Variants in ABCA9 observed in about 807,000 individuals in gnomAD.
ABCA9 encodes ATP binding cassette subfamily A member 9.
A neutral mutation model predicts 205.3 loss-of-function variants in ABCA9; 183 were observed. The ratio of observed to expected loss-of-function variants is 0.89; its 90% CI spans 0.79 to 1.01. The LOEUF is 1.01. Among genes scored for constraint, ABCA9 ranks in the 50% least tolerant of loss-of-function variants. The pLI, the probability that ABCA9 is intolerant of heterozygous loss-of-function variation, is 0.00. For missense variants in ABCA9, 1,805 were observed against 1,912.4 expected, an observed-to-expected ratio of 0.94 and a Z score of 1.05; for synonymous variants, 651 against 683.3, an observed-to-expected ratio of 0.95 and a Z score of 0.74.
chr17:69,041,879 A>G (rs2041320), intron 6 of ABCA9, among the ~76,000 whole-genome samples: 147,200 of 152,254 alleles, frequency 0.97, 71,177 homozygotes, highest in East Asian at 1. Context: ...TCCACCCGGT[A>G]TATTGAACAC....
rs1428325632 is a variant in ABCA9 at position 69,016,362 on chromosome 17, G to A, written c.2930C>T (p.Thr977Ile). 3 of 1,599,586 alleles carry A rather than the reference G, an allele frequency of 1.9e-6. No individual in the cohort carries two copies. Among genetic ancestry groups the A allele is most frequent in the Non-Finnish European group, 2.6e-6 (3 of 1,175,240 alleles). The change falls in exon 22 of 39, where the codon ACA becomes ATA. Residue 977 changes from threonine (T) to isoleucine (I), a missense_variant. Physicochemically the swap from Thr to Ile is moderately conservative, Grantham distance 89 (BLOSUM62 -1). Coordinates refer to ENST00000340001, the MANE Select transcript of ABCA9 (RefSeq NM_080283.4). ...GACAGGAAAGCAATTCAGCCGTTTT[G>A]TATTACATGCTATTGAAAATCTGTG... is the stretch of plus-strand genomic sequence containing the variant. ...KDHRFSIACN[T>I]KRLNCFPVLL...
chr17:69,064,183 C>T (rs1183018466), upstream of ABCA9, among the ~76,000 whole-genome samples: 2 of 152,144 alleles, frequency 1.3e-5, no homozygotes, highest in Admixed American at 6.5e-5. Flanking sequence ...CTTTAAATTA[C>T]GCTTTCCTGT....
intron 26 of ABCA9, among the ~76,000 whole-genome samples, chr17:68,993,810 A>C (rs1396013809): frequency 2.0e-5 from 3 of 152,140 alleles, no homozygotes; most frequent in Non-Finnish European, 2.9e-5. Flanking sequence ...CCAGTTGCCC[A>C]CTTTCAATAA....
In ABCA9 at chr17:69,035,716, C is replaced by A; in HGVS notation, c.886G>T (p.Val296Phe). Residue 296 changes from valine (V) to phenylalanine (F), a missense_variant, in exon 7 of 39, where the codon GTC becomes TTC. Physicochemically the swap from Val to Phe is conservative, Grantham distance 50. Coordinates refer to ENST00000340001, the MANE Select transcript of ABCA9 (RefSeq NM_080283.4). ...AAGACCATCACAAAACCAGTCAGGA[C>A]GACAATTTGTGCAGATTTTACAATA... ...ALIVKSAQIV[V>F]LTGFVMVFTL... is the part of the protein sequence containing the mutation. 3 of 1,613,498 alleles carry A rather than the reference C, an allele frequency of 1.9e-6. No individual in the cohort carries two copies. The highest frequency in any genetic ancestry group is 2.5e-6 in the Non-Finnish European group (3 of 1,179,752).
At chr17:68,990,757 T>C (rs2069422950) in intron 29 of ABCA9, 80 bp downstream of exon 29, 8 of 1,563,148 alleles carry the variant, frequency 5.1e-6, no homozygotes, top group Non-Finnish European at 6.9e-6. Flanking sequence ...CAAGTGTTTT[T>C]CGAAAACTAA....
At chr17:69,017,552 T>C (rs181272866) in intron 21 of ABCA9, 104 bp downstream of exon 21, 2 of 1,289,398 alleles carry the variant, frequency 1.6e-6, no homozygotes, top group East Asian at 4.7e-5. Flanking sequence ...AACTATCCCA[T>C]TTGTTTGTGT....
At position 68,989,918 on chromosome 17, in the gene ABCA9, T is replaced by A; in HGVS notation, c.3850A>T (p.Ile1284Phe). ...VRDFDETPVI[I>F]ASCLRKEYAG... ...TATTCCTTCCGTAGACAGCTGGCAATGATGACGGGTGTCTGTAAAGACAAG... is the reference window on the plus strand; with the variant it reads ...TATTCCTTCCGTAGACAGCTGGCAAAGATGACGGGTGTCTGTAAAGACAAG... The change falls in exon 30 of 39, where the codon ATT becomes TTT. Residue 1284 changes from isoleucine (I) to phenylalanine (F), a missense_variant. Physicochemically the swap from Ile to Phe is conservative, Grantham distance 21. Transcript: ENST00000340001. 1 of 1,608,750 alleles carries A rather than the reference T, an allele frequency of 6.2e-7. No homozygotes were observed.
chr17:69,019,258 A>G (rs1257301471), intron 19 of ABCA9, among the ~76,000 whole-genome samples: 2 of 152,100 alleles, frequency 1.3e-5, no homozygotes, highest in African/African-American at 4.8e-5. Flanking sequence ...GCTTCTTAAC[A>G]TTTTGTTGAC....
At chr17:69,043,069 G>A (rs2071595945) in intron 6 of ABCA9, 2 of 176,398 alleles carry the variant, frequency 1.1e-5, no homozygotes, top group Non-Finnish European at 2.3e-5. Context: ...CCATCTGGGG[G>A]TGATGGGAGA....
At chr17:69,038,946 G>A (rs1165465079) in intron 6 of ABCA9, among the ~76,000 whole-genome samples, 1 of 152,070 alleles carries the variant, frequency 6.6e-6, no homozygotes, top group African/African-American at 2.4e-5. Flanking sequence ...CAAATCATTA[G>A]TGAACTCCCA....
chr17:69,018,622 C>G (rs765642713), intron 19 of ABCA9, 43 bp from the exon 20 acceptor site: 2 of 1,459,068 alleles, frequency 1.4e-6, no homozygotes, highest in Non-Finnish European at 1.8e-6. Context: ...ATTTTAGCAA[C>G]TTTTGTGGGT....
At chr17:69,041,423 G>C (rs1485317070) in intron 6 of ABCA9, among the ~76,000 whole-genome samples, 2 of 152,044 alleles carry the variant, frequency 1.3e-5, no homozygotes, top group Non-Finnish European at 2.9e-5. Flanking sequence ...TTAAAAAATA[G>C]GCTGGGGTGG....
At chr17:69,074,219 A>G in the ABCA9 span, among the ~76,000 whole-genome samples, 1 of 151,788 alleles carries the variant, frequency 6.6e-6, no homozygotes, top group African/African-American at 2.4e-5. Flanking sequence ...TATTATACAA[A>G]TTTTCTTCAT....
At chr17:69,018,039 CATT>C (rs941583884) in intron 20 of ABCA9, 8 of 441,252 alleles carry the variant, frequency 1.8e-5, no homozygotes, top group Admixed American at 7.8e-5. Flanking sequence ...TTGCTGTTAA[CATT>C]ATAATCCTTG....
the ABCA9 span, among the ~76,000 whole-genome samples, chr17:69,073,611 G>C: frequency 6.6e-6 from 1 of 152,168 alleles, no homozygotes; most frequent in African/African-American, 2.4e-5. Flanking sequence ...TGTTTAGAGG[G>C]AAACTTATAG....
At chr17:68,976,801 G>A (rs1249442953) in intron 37 of ABCA9, among the ~76,000 whole-genome samples, 1 of 152,172 alleles carries the variant, frequency 6.6e-6, no homozygotes, top group African/African-American at 2.4e-5. Flanking sequence ...TTTGCAAAGA[G>A]TCTTCTGATA....
chr17:68,990,563 A>G (rs1471714037), intron 29 of ABCA9, among the ~76,000 whole-genome samples: 1 of 152,052 alleles, frequency 6.6e-6, no homozygotes, highest in Non-Finnish European at 1.5e-5. Context: ...TTTATTTTTA[A>G]TTTTGTAGAA....
At chr17:69,053,125 T>C (rs779765830) in intron 1 of ABCA9, among the ~76,000 whole-genome samples, 1 of 152,206 alleles carries the variant, frequency 6.6e-6, no homozygotes, top group African/African-American at 2.4e-5. Flanking sequence ...AATAAAATCA[T>C]TGGCCATTGG....
At chr17:69,026,322 C>T in intron 16 of ABCA9, 55 bp downstream of exon 16, 2 of 1,408,892 alleles carry the variant, frequency 1.4e-6, no homozygotes, top group African/African-American at 1.4e-5. Context: ...CTGATACCAC[C>T]TGCCTCCAGC....
Sources: allele counts gnomAD v4.1 joint callset (sites outside exome capture counted in the v4.1 genomes callset), GRCh38; gene constraint gnomAD v4.1.1; transcripts MANE v1.5; gene names NCBI Gene and HGNC (gene_info 2026-07-23, HGNC 2026-07-21).